Variants in SLC29A4 observed in about 807,000 individuals in gnomAD.
SLC29A4 encodes equilibrative nucleoside transporter 4.
A neutral mutation model predicts 43.9 loss-of-function variants in SLC29A4; 36 were observed. The observed-to-expected ratio is 0.82, with a 90% CI of 0.63 to 1.08. The LOEUF is 1.08. SLC29A4 is among the 50% of genes least tolerant of loss of function. The pLI, the probability that SLC29A4 is intolerant of heterozygous loss-of-function variation, is 0.00. For missense variants in SLC29A4, 869 were observed against 755.3 expected (o/e 1.15, Z -1.77); for synonymous variants, 491 against 338.0 (o/e 1.45, Z -4.97).
intron 10 of SLC29A4, among the ~76,000 whole-genome samples, chr7:5,302,021 G>A (rs955076610): frequency 2.6e-5 from 4 of 152,206 alleles, no homozygotes; most frequent in African/African-American, 9.6e-5. Context: ...CACGATCTCA[G>A]CTCACTGCAA....
chr7:5,286,541 AG>A (rs1784963063), intron 1 of SLC29A4, among the ~76,000 whole-genome samples: 1 of 130,296 alleles, frequency 7.7e-6, no homozygotes, highest in African/African-American at 3.6e-5. Flanking sequence ...AAAAGAAAAA[AG>A]AAAAAAATCA....
Position 5,306,386 on chromosome 7 carries a change from G to C in SLC29A4, c.*3447G>C, listed in dbSNP as rs981979593. 2.6e-5 allele frequency: 4 copies of C among 151,138 alleles called. No homozygotes were observed. Among genetic ancestry groups the C allele is most frequent in the Non-Finnish European group, 5.9e-5 (4 of 67,902 alleles). The allele number at this position is 151,138 out of a possible 1,614,324, so 9.4% of individuals were successfully genotyped here. ...ATTTTTGTATTTTTAGTAGAGACGG[G>C]GTTTCACCACATTGCTCAGGCTGGT... On this transcript the variant is annotated 3_prime_UTR_variant, in exon 11 of 11. Transcript: ENST00000396872.
rs774254094 is a variant in SLC29A4 at position 5,291,776 on chromosome 7, G to A, written c.499G>A (p.Ala167Thr). The change falls in exon 5 of 11, where the codon GCC becomes ACC. Residue 167 changes from alanine (A) to threonine (T), a missense_variant. Ala to Thr is a moderately conservative substitution (Grantham distance 58, BLOSUM62 0). Transcript: ENST00000396872. ...GCTCTTCTCTCGGGACCAGGCCTACGCCATCAACCTGGCCGCTGTGGGCAC... is the reference window on the plus strand; with the variant it reads ...GCTCTTCTCTCGGGACCAGGCCTACACCATCAACCTGGCCGCTGTGGGCAC... ...LQLFSRDQAYAINLAAVGTVA... is the reference protein window; with the variant it reads ...LQLFSRDQAYTINLAAVGTVA... The A allele has an allele frequency of 3.1e-5, 50 of 1,611,852 alleles. No homozygotes were observed. Among genetic ancestry groups the A allele is most frequent in the East Asian group, 2.4e-4 (11 of 44,902 alleles).
rs1265997377 is a variant in SLC29A4, at chr7:5,297,119, G to A, written c.803G>A (p.Ser268Asn). Reference protein sequence around the residue: ...VLFYTTRPRDSHRGRPGLGRG... With the variant: ...VLFYTTRPRDNHRGRPGLGRG... ...TTCTATACCACACGGCCGCGTGACAGCCACCGGGGCAGGCCAGGCCTGGGC... is the reference window on the plus strand; with the variant it reads ...TTCTATACCACACGGCCGCGTGACAACCACCGGGGCAGGCCAGGCCTGGGC... The change falls in exon 7 of 11, where the codon AGC becomes AAC. Residue 268 changes from serine to asparagine, a missense_variant. Physicochemically the swap from Ser to Asn is conservative, Grantham distance 46 (BLOSUM62 1). Transcript: ENST00000396872. 7 of 1,606,580 alleles carry A rather than the reference G, an allele frequency of 4.4e-6. No individual in the cohort carries two copies. Among genetic ancestry groups the A allele is most frequent in the African/African-American group, 2.7e-5 (2 of 74,892 alleles).
intron 1 of SLC29A4, among the ~76,000 whole-genome samples, chr7:5,286,502 G>A (rs1170378033): frequency 6.8e-5 from 10 of 146,996 alleles, no homozygotes; most frequent in Non-Finnish European, 1.0e-4. Context: ...CAGCCTGGGC[G>A]ACAGAGCAAG....
intron 7 of SLC29A4, among the ~76,000 whole-genome samples, chr7:5,298,325 G>A (rs1299162274): frequency 3.9e-5 from 6 of 152,202 alleles, no homozygotes; most frequent in East Asian, 3.9e-4. Flanking sequence ...CACAGGAAGC[G>A]TGTTGGGGCA....
At position 5,297,007 on chromosome 7, in the gene SLC29A4, A is replaced by G; in HGVS notation, c.691A>G (p.Thr231Ala). 4.4e-6 allele frequency: 7 copies of G among 1,604,484 alleles called. No homozygotes were observed. Among genetic ancestry groups the G allele is most frequent in the East Asian group, 4.5e-5 (2 of 44,788 alleles). Residue 231 changes from threonine (T) to alanine (A), a missense_variant, in exon 7 of 11, where the codon ACG becomes GCG. Physicochemically the swap from Thr to Ala is moderately conservative, Grantham distance 58 (BLOSUM62 0). Coordinates refer to ENST00000396872, the MANE Select transcript of SLC29A4 (RefSeq NM_153247.4). ...KLLLPDERAS[T>A]LIFFLVSVAL... The stretch of plus-strand genomic sequence containing the variant: ...GCTGCTGCCCGACGAGCGCGCCAGC[A>G]CGCTCATCTTCTTCCTGGTGTCGGT...
intron 6 of SLC29A4, 27 bp downstream of exon 6, chr7:5,294,961 G>A (rs1408498548): frequency 6.3e-7 from 1 of 1,588,912 alleles, no homozygotes; most frequent in South Asian, 1.2e-5. Context: ...CCCCCGGGGA[G>A]GGGGTGCTGG....
At position 5,305,317 on chromosome 7, in the gene SLC29A4, CGGCT is replaced by C. The variant is rs571809740; in HGVS notation, c.*2384_*2387del. ...GCCGGGCCCTTCCCTTGCCCGAGGCCGGCTGGCTGCCCTCCATGGGTTACCCTCT... is the reference window on the plus strand; with the variant it reads ...GCCGGGCCCTTCCCTTGCCCGAGGCCGGCTGCCCTCCATGGGTTACCCTCT... On this transcript the variant is annotated 3_prime_UTR_variant, in exon 11 of 11. Transcript: ENST00000396872. 140 of 152,394 alleles carry C rather than the reference CGGCT, an allele frequency of 9.2e-4. No individual in the cohort carries two copies. The highest frequency in any genetic ancestry group is 6.8e-3 in the Middle Eastern group (2 of 296). The allele number at this position is 152,394 out of a possible 1,614,324, so 9.4% of individuals were successfully genotyped here. A position where few individuals can be genotyped will look rare whatever the true frequency, so the allele number is the denominator to read the frequency against.
chr7:5,300,134 A>G (rs1786034079), intron 9 of SLC29A4, among the ~76,000 whole-genome samples: 1 of 152,118 alleles, frequency 6.6e-6, no homozygotes, highest in Non-Finnish European at 1.5e-5. Context: ...CGGGAGGCTG[A>G]GGTGGGAGGA....
chr7:5,291,863 T>G, intron 5 of SLC29A4, 42 bp downstream of exon 5: 2 of 1,585,942 alleles, frequency 1.3e-6, no homozygotes, highest in Non-Finnish European at 1.7e-6. Flanking sequence ...AGTGCCCACT[T>G]CCGACCCCAT....
chr7:5,295,771 C>T (rs1208121470), intron 6 of SLC29A4, among the ~76,000 whole-genome samples: 1 of 91,522 alleles, frequency 1.1e-5, no homozygotes, highest in Non-Finnish European at 2.6e-5. Context: ...CTTCCAGACT[C>T]CCACGTGGGA....
rs1583655654 is a variant in SLC29A4, at chr7:5,290,659, G to A, written c.170-73G>A. ...CTATGGTGATGGCGGCCGGGGTGGT[G>A]GACATCGCCCTGTGCGGTGACTGTA... is the stretch of plus-strand genomic sequence containing the variant. On this transcript the variant is annotated intron_variant, in intron 2 of 10. Transcript: ENST00000396872. 4.5e-6 allele frequency: 7 copies of A among 1,540,158 alleles called. No homozygotes were observed. In the East Asian group the frequency reaches 1.6e-4, roughly 35 times the overall value.
In SLC29A4 at chr7:5,306,875, CATAAAA is replaced by C. The variant is rs995910341; in HGVS notation, c.*3938_*3943del. The C allele has an allele frequency of 5.6e-5, 5 of 89,886 alleles. No homozygotes were observed. Among genetic ancestry groups the C allele is most frequent in the African/African-American group, 2.5e-4 (4 of 15,852 alleles). The allele number at this position is 89,886 out of a possible 1,614,324, so 5.6% of individuals were successfully genotyped here. ...CCAACAAACAAAATTCCAAAAGAAA[CATAAAA>C]AAAAAAACCAATAATTCCCCCAAAA... On this transcript the variant is annotated 3_prime_UTR_variant, in exon 11 of 11. Coordinates refer to ENST00000396872, the MANE Select transcript of SLC29A4 (RefSeq NM_153247.4).
chr7:5,283,501 G>A (rs1244464360), intron 1 of SLC29A4, among the ~76,000 whole-genome samples: 4 of 152,172 alleles, frequency 2.6e-5, no homozygotes, highest in Non-Finnish European at 1.5e-5. Context: ...CAGGGGGTCT[G>A]TCCTTTGCCT....
rs1330351682 is a variant in SLC29A4, at chr7:5,306,185, CAATTTCTTT to C, written c.*3247_*3255del. The C allele has an allele frequency of 7.9e-6, 1 of 126,050 alleles. No individual in the cohort carries two copies. Among genetic ancestry groups the C allele is most frequent in the South Asian group, 2.7e-4 (1 of 3,726 alleles). The allele number at this position is 126,050 out of a possible 1,614,324, so 7.8% of individuals were successfully genotyped here. On this transcript the variant is annotated 3_prime_UTR_variant, in exon 11 of 11. Coordinates refer to ENST00000396872, the MANE Select transcript of SLC29A4 (RefSeq NM_153247.4). The stretch of plus-strand genomic sequence containing the variant: ...TAATTTTTTCTCATGTAAATTTGTT[CAATTTCTTT>C]TTTTTTTTTTTTTTTTTTTTTTGAG...
intron 6 of SLC29A4, among the ~76,000 whole-genome samples, chr7:5,296,220 G>T (rs979616335): frequency 6.6e-6 from 1 of 151,960 alleles, no homozygotes; most frequent in Admixed American, 6.6e-5. Flanking sequence ...CCACCTCTGC[G>T]CGCCCTCTGT....
chr7:5,285,667 C>A (rs1784900084), intron 1 of SLC29A4, among the ~76,000 whole-genome samples: 1 of 152,130 alleles, frequency 6.6e-6, no homozygotes, highest in African/African-American at 2.4e-5. Context: ...GGAAATGAGA[C>A]CCAGGAGATG....
chr7:5,299,283 C>T lies in SLC29A4; in HGVS notation c.1065C>T (p.Ala355=), dbSNP rs745680677. 6.8e-6 allele frequency: 11 copies of T among 1,612,062 alleles called. No individual in the cohort carries two copies. The East Asian group carries it at 8.9e-5, about 13-fold the overall frequency. The part of the protein sequence containing the change: ...HRYVVARVIW[A]DMLSIAVTYF... Reference sequence around the variant, plus strand: ...ACGTGGTGGCGCGGGTGATCTGGGCCGACATGCTCTCCATCGCCGTGACCT... The same window carrying T: ...ACGTGGTGGCGCGGGTGATCTGGGCTGACATGCTCTCCATCGCCGTGACCT... The change falls in exon 9 of 11, where the codon GCC becomes GCT. Residue 355 remains alanine, a synonymous_variant. Coordinates refer to ENST00000396872, the MANE Select transcript of SLC29A4 (RefSeq NM_153247.4).
Sources: gnomAD v4.1 joint callset for allele counts (sites outside exome capture counted in the v4.1 genomes callset) on GRCh38, gnomAD v4.1.1 for gene constraint, MANE v1.5 for transcripts, NCBI Gene and HGNC (gene_info 2026-07-23, HGNC 2026-07-21) for gene names.